COL5A1: variants seen among roughly 807,000 people sequenced by gnomAD.
COL5A1 encodes collagen type V alpha 1 chain.
In COL5A1, 16 loss-of-function variants were observed where a neutral mutation model predicts 263.7. The observed-to-expected ratio is 0.06, with a 90% CI of 0.04 to 0.09. COL5A1 has a LOEUF of 0.09. Ranked by LOEUF, COL5A1 falls within the 10% of genes least tolerant of loss-of-function variation. COL5A1 has a pLI of 1.00. For synonymous variants in COL5A1, 1,012 were observed against 1,004.5 expected (o/e 1.01, Z -0.14); for missense variants, 2,036 against 2,540.5 (o/e 0.80, Z 4.27).
intron 1 of COL5A1, among the ~76,000 whole-genome samples, chr9:134,688,692 C>G (rs949906705): frequency 6.6e-6 from 1 of 152,324 alleles, no homozygotes; most frequent in Non-Finnish European, 1.5e-5. Flanking sequence ...CGCCCCTCCC[C>G]TTTGTCACTG....
At chr9:134,693,890 C>T (rs572550448) in intron 2 of COL5A1, among the ~76,000 whole-genome samples, 67 of 152,228 alleles carry the variant, frequency 4.4e-4, no homozygotes, top group African/African-American at 1.5e-3. Context: ...GCCAGCCACT[C>T]GTGTGGGTCA....
intron 18 of COL5A1, among the ~76,000 whole-genome samples, chr9:134,761,473 C>T (rs1467563602): frequency 6.6e-6 from 1 of 152,252 alleles, no homozygotes. Flanking sequence ...TGAAGGCTGT[C>T]CCTGACTCAG....
At chr9:134,724,487 C>T (rs1034915347) in intron 4 of COL5A1, among the ~76,000 whole-genome samples, 6 of 152,216 alleles carry the variant, frequency 3.9e-5, no homozygotes, top group South Asian at 4.1e-4. Flanking sequence ...TCCCTCCGCC[C>T]CGCCCGTGTG....
intron 39 of COL5A1, among the ~76,000 whole-genome samples, chr9:134,804,343 T>C (rs998773652): frequency 2.6e-5 from 4 of 152,166 alleles, no homozygotes; most frequent in African/African-American, 9.7e-5. Flanking sequence ...TTACTGTACC[T>C]CAGGGAAAGT....
chr9:134,815,047 A>G (rs2132854449), intron 50 of COL5A1, 143 bp downstream of exon 50: 2 of 649,240 alleles, frequency 3.1e-6, no homozygotes, highest in Non-Finnish European at 5.3e-6. Context: ...TCTAGACACT[A>G]GAGGTTTTCA....
intron 39 of COL5A1, among the ~76,000 whole-genome samples, chr9:134,803,942 A>G (rs1838203209): frequency 6.6e-6 from 1 of 152,140 alleles, no homozygotes; most frequent in Non-Finnish European, 1.5e-5. Context: ...GCCAGCTCCA[A>G]CTGCCCCCTT....
chr9:134,780,801 G>C (rs115863871), intron 28 of COL5A1, among the ~76,000 whole-genome samples: 90 of 152,322 alleles, frequency 5.9e-4, no homozygotes, highest in African/African-American at 2.2e-3. Context: ...TCTCACTGTG[G>C]TGGAAGGAAG....
At chr9:134,756,537 CGG>C (rs1384718162) in intron 16 of COL5A1, among the ~76,000 whole-genome samples, 1 of 152,180 alleles carries the variant, frequency 6.6e-6, no homozygotes, top group Admixed American at 6.5e-5. Context: ...TGACGTGGTC[CGG>C]AAAGACCAGC....
At chr9:134,737,795 C>T (rs1439213357) in intron 9 of COL5A1, among the ~76,000 whole-genome samples, 3 of 152,156 alleles carry the variant, frequency 2.0e-5, no homozygotes, top group Non-Finnish European at 4.4e-5. Context: ...GAGGCCCTGT[C>T]CCCATTGGGG....
chr9:134,720,528 T>A (rs541699958), intron 4 of COL5A1, among the ~76,000 whole-genome samples: 4 of 152,294 alleles, frequency 2.6e-5, no homozygotes, highest in Non-Finnish European at 5.9e-5. Context: ...TGCGCCAGAT[T>A]ATGGCGGTCG....
rs886804668 is a variant in COL5A1 at position 134,647,984 on chromosome 9, T to C, written c.109+5688T>C. On this transcript the variant is annotated intron_variant, in intron 1 of 65. Transcript: ENST00000371817. This position sits in a 1 kb window ranked among gnomAD's most constrained non-coding sequence, Gnocchi z 5.0. The stretch of plus-strand genomic sequence containing the variant: ...TTAATCCTGCGTGTGTCTATGAGAG[T>C]GTTGCCAAAGGAGATTAACATTTGA... Among the ~76,000 whole-genome samples the C allele has an allele frequency of 4.6e-5, 7 of 151,926 alleles. No homozygotes were observed. Among genetic ancestry groups the C allele is most frequent in the African/African-American group, 1.7e-4 (7 of 41,328 alleles).
At position 134,789,326 on chromosome 9, in the gene COL5A1, C is replaced by T. The variant is rs1391565867; in HGVS notation, c.2700+118C>T. 3 of 834,458 alleles carry T rather than the reference C, an allele frequency of 3.6e-6. No homozygotes were observed. The highest frequency in any genetic ancestry group is 6.0e-6 in the Non-Finnish European group (3 of 503,950). The allele number at this position is 834,458 out of a possible 1,614,324, so 51.7% of individuals were successfully genotyped here. A position where few individuals can be genotyped will look rare whatever the true frequency, so the allele number is the denominator to read the frequency against. ...ACTCTCTTGCTTCTGAAACTGCTCTCCTGAATGGCTGGCCTTAAGCTCTTG... is the reference window on the plus strand; with the variant it reads ...ACTCTCTTGCTTCTGAAACTGCTCTTCTGAATGGCTGGCCTTAAGCTCTTG... On this transcript the variant is annotated intron_variant, in intron 32 of 65. Transcript: ENST00000371817. The surrounding 1 kb of genome is among the most constrained non-coding windows in gnomAD (Gnocchi z 4.8).
chr9:134,657,770 G>T (rs1832066428), intron 1 of COL5A1, among the ~76,000 whole-genome samples: 1 of 151,830 alleles, frequency 6.6e-6, no homozygotes, highest in African/African-American at 2.4e-5. Context: ...AAGGGCAGGG[G>T]GTGGGACAGG....
chr9:134,729,139 A>G (rs1452710222), intron 6 of COL5A1, among the ~76,000 whole-genome samples: 2 of 152,156 alleles, frequency 1.3e-5, no homozygotes, highest in Non-Finnish European at 2.9e-5. Flanking sequence ...GGGTTCCTTA[A>G]GTGTGGGTGC....
chr9:134,791,232 G>A (rs68123287), intron 32 of COL5A1, among the ~76,000 whole-genome samples: 20,274 of 152,214 alleles, frequency 0.13, 1,463 homozygotes, highest in East Asian at 0.18. Flanking sequence ...AGGACATTTC[G>A]TTCACTGCTG....
In COL5A1 at chr9:134,758,108, C is replaced by T. The variant is rs866588918; in HGVS notation, c.1882-135C>T. 7.3e-5 allele frequency: 61 copies of T among 837,310 alleles called. No individual in the cohort carries two copies. Among genetic ancestry groups the T allele is most frequent in the South Asian group, 2.3e-4 (17 of 73,126 alleles). 51.9% of individuals were successfully genotyped at this position (837,310 alleles called of 1,614,324 possible). A position where few individuals can be genotyped will look rare whatever the true frequency, so the allele number is the denominator to read the frequency against. On this transcript the variant is annotated intron_variant, in intron 17 of 65. Transcript: ENST00000371817. This position sits in a 1 kb window ranked among gnomAD's most constrained non-coding sequence, Gnocchi z 4.1. ...GGGGGCCTATGGGGAGAGGGCTGGC[C>T]GATGGGGTTCAGGGTGCATAGATGC...
At position 134,844,735 on chromosome 9, in the gene COL5A1, CTG is replaced by C. The variant is rs2132947915; in HGVS notation, c.*2434_*2435del. On this transcript the variant is annotated 3_prime_UTR_variant, in exon 66 of 66. Transcript: ENST00000371817. ...CCGCTAGACATGTCATAAGTTTTAA[CTG>C]TAATGCCCAGGAAAGGATATCTTAA... The C allele has an allele frequency of 6.6e-6, 1 of 152,336 alleles. No individual in the cohort carries two copies. Among genetic ancestry groups the C allele is most frequent in the African/African-American group, 2.4e-5 (1 of 41,580 alleles). 9.4% of individuals were successfully genotyped at this position (152,336 alleles called of 1,614,324 possible). A position where few individuals can be genotyped will look rare whatever the true frequency, so the allele number is the denominator to read the frequency against.
At chr9:134,824,576 C>G in intron 61 of COL5A1, 24 bp from the exon 62 acceptor site, 1 of 1,613,136 alleles carries the variant, frequency 6.2e-7, no homozygotes, top group Non-Finnish European at 8.5e-7. Flanking sequence ...CATCACCCAC[C>G]GCTGCTCCTG....
chr9:134,756,708 G>C (rs2132695751), intron 16 of COL5A1, 57 bp from the exon 17 acceptor site: 1 of 1,565,874 alleles, frequency 6.4e-7, no homozygotes, highest in Non-Finnish European at 8.8e-7. Context: ...CCATGGCCCG[G>C]GGGTCTCAGT....
Sources: allele counts gnomAD v4.1 joint callset (sites outside exome capture counted in the v4.1 genomes callset), GRCh38; gene constraint gnomAD v4.1.1; non-coding constraint Gnocchi (gnomAD v3.1); transcripts MANE v1.5; gene names NCBI Gene and HGNC (gene_info 2026-07-23, HGNC 2026-07-21).